HSPA12B: variants seen among roughly 807,000 people sequenced by gnomAD.
HSPA12B encodes the protein heat shock protein family A (Hsp70) member 12B.
Under a neutral mutation model 69.3 loss-of-function variants are expected in HSPA12B, and 54 were observed. The observed-to-expected ratio is 0.78, with a 90% CI of 0.63 to 0.98. The LOEUF (loss-of-function observed/expected upper bound fraction) is 0.98. HSPA12B is among the 50% of genes least tolerant of loss of function. HSPA12B has a pLI of 0.00. For synonymous variants in HSPA12B, 441 were observed against 436.5 expected (o/e 1.01, Z -0.13); for missense variants, 929 against 999.8 (o/e 0.93, Z 0.96).
chr20:3,750,754 A>G, intron 11 of HSPA12B, 50 bp from the exon 12 acceptor site: 1 of 1,611,762 alleles, frequency 6.2e-7, no homozygotes, highest in Non-Finnish European at 8.5e-7. Context: ...AAACTGGGGC[A>G]AGCAGCTGGG....
rs2088254202 is a variant in HSPA12B at position 3,744,052 on chromosome 20, C to T, written c.267-850C>T. 6.6e-6 allele frequency among the ~76,000 whole-genome samples: 1 copy of T among 152,174 alleles called. No individual in the cohort carries two copies. Among genetic ancestry groups the T allele is most frequent in the African/African-American group, 2.4e-5 (1 of 41,428 alleles). ...GACCTTGGGACCTCAAGACCCCAGT[C>T]CTCTGAATATGTCCTAGAGGGTCGG... On this transcript the variant is annotated intron_variant, in intron 4 of 12. Transcript: ENST00000254963. The surrounding 1 kb of genome is among the most constrained non-coding windows in gnomAD (Gnocchi z 4.9).
At chr20:3,747,665 T>A (rs1310509133) in intron 7 of HSPA12B, among the ~76,000 whole-genome samples, 1 of 152,238 alleles carries the variant, frequency 6.6e-6, no homozygotes, top group Admixed American at 6.5e-5. Context: ...GCCTGGAATT[T>A]CAGCTTCCTC....
At chr20:3,748,458 G>A in intron 8 of HSPA12B, 67 bp downstream of exon 8, 1 of 1,365,028 alleles carries the variant, frequency 7.3e-7, no homozygotes, top group East Asian at 2.9e-5. Context: ...CAGAAGCTCA[G>A]CCATGTCTAG....
chr20:3,746,996 A>C (rs1480608981), intron 7 of HSPA12B, among the ~76,000 whole-genome samples: 1 of 152,154 alleles, frequency 6.6e-6, no homozygotes, highest in Non-Finnish European at 1.5e-5. Flanking sequence ...GGACACCCCC[A>C]CCACCGCCCA....
At chr20:3,742,667 A>T (rs548781428) in intron 4 of HSPA12B, among the ~76,000 whole-genome samples, 29 of 151,984 alleles carry the variant, frequency 1.9e-4, no homozygotes, top group African/African-American at 6.8e-4. Flanking sequence ...TATAACAAAC[A>T]TAACAATAAA....
At position 3,745,173 on chromosome 20, in the gene HSPA12B, C is replaced by G. The variant is rs2088275089; in HGVS notation, c.453+85C>G. The G allele has an allele frequency of 8.1e-7, 1 of 1,237,870 alleles. No individual in the cohort carries two copies. Among genetic ancestry groups the G allele is most frequent in the African/African-American group, 1.5e-5 (1 of 66,992 alleles). 76.7% of individuals were successfully genotyped at this position (1,237,870 alleles called of 1,614,324 possible). On this transcript the variant is annotated intron_variant, in intron 5 of 12. Transcript: ENST00000254963. This position sits in a 1 kb window ranked among gnomAD's most constrained non-coding sequence, Gnocchi z 5.6. The stretch of plus-strand genomic sequence containing the variant: ...GGGGGTGGGTGGGACAAAACCAAAA[C>G]GTGTGAGGACCGGCCCGATGGAGTC...
At chr20:3,748,518 A>G in intron 8 of HSPA12B, 127 bp downstream of exon 8, 1 of 910,174 alleles carries the variant, frequency 1.1e-6, no homozygotes, top group Non-Finnish European at 1.5e-6. Context: ...TTGAGCAGGC[A>G]GAAACATGGC....
Position 3,737,729 on chromosome 20 carries a change from A to G in HSPA12B, c.-17-929A>G, listed in dbSNP as rs563102651. Among the ~76,000 whole-genome samples, 2 of 152,302 alleles carry G rather than the reference A, an allele frequency of 1.3e-5. No homozygotes were observed. The highest frequency in any genetic ancestry group is 4.8e-5 in the African/African-American group (2 of 41,568). On this transcript the variant is annotated intron_variant, in intron 1 of 12. Coordinates refer to ENST00000254963, the MANE Select transcript of HSPA12B (RefSeq NM_052970.5). The surrounding 1 kb of genome is among the most constrained non-coding windows in gnomAD (Gnocchi z 4.1). ...AACAAACAAACAACGAAGGCCAGGCACGGTGGCTCATGCCTGTAATCCCAG... is the reference window on the plus strand; with the variant it reads ...AACAAACAAACAACGAAGGCCAGGCGCGGTGGCTCATGCCTGTAATCCCAG...
At chr20:3,734,958 G>A (rs1207784397) in intron 1 of HSPA12B, among the ~76,000 whole-genome samples, 2 of 151,702 alleles carry the variant, frequency 1.3e-5, no homozygotes, top group Non-Finnish European at 2.9e-5. Flanking sequence ...GGCTGGTCTC[G>A]AACTCCTGAG....
At chr20:3,742,499 T>C in intron 4 of HSPA12B, 91 bp downstream of exon 4, 6 of 1,073,760 alleles carry the variant, frequency 5.6e-6, no homozygotes, top group Non-Finnish European at 6.8e-6. Context: ...AGACATGGGG[T>C]CTCCTTGGAG....
Position 3,745,848 on chromosome 20 carries a change from C to G in HSPA12B, c.559-67C>G. ...TGTGATTTGATTAGTACCTCCAGTT[C>G]CGCAGAGGGCTGAAGACCACCCTCC... On this transcript the variant is annotated intron_variant, in intron 6 of 12. Transcript: ENST00000254963. This position sits in a 1 kb window ranked among gnomAD's most constrained non-coding sequence, Gnocchi z 5.6. The G allele has an allele frequency of 7.3e-7, 1 of 1,365,076 alleles. No individual in the cohort carries two copies. Among genetic ancestry groups the G allele is most frequent in the Admixed American group, 1.7e-5 (1 of 59,674 alleles). 84.6% of individuals were successfully genotyped at this position (1,365,076 alleles called of 1,614,324 possible). A position where few individuals can be genotyped will look rare whatever the true frequency, so the allele number is the denominator to read the frequency against.
chr20:3,744,045 C>T lies in HSPA12B; in HGVS notation c.267-857C>T, dbSNP rs1175633419. Among the ~76,000 whole-genome samples the T allele has an allele frequency of 6.6e-6, 1 of 152,174 alleles. No individual in the cohort carries two copies. Among genetic ancestry groups the T allele is most frequent in the Non-Finnish European group, 1.5e-5 (1 of 68,040 alleles). On this transcript the variant is annotated intron_variant, in intron 4 of 12. Coordinates refer to ENST00000254963, the MANE Select transcript of HSPA12B (RefSeq NM_052970.5). The surrounding 1 kb of genome is among the most constrained non-coding windows in gnomAD (Gnocchi z 4.9). Reference sequence around the variant, plus strand: ...CCTCAAGGACCTTGGGACCTCAAGACCCCAGTCCTCTGAATATGTCCTAGA... The same window carrying T: ...CCTCAAGGACCTTGGGACCTCAAGATCCCAGTCCTCTGAATATGTCCTAGA...
Position 3,752,184 on chromosome 20 carries a change from G to T in HSPA12B, c.*18G>T, listed in dbSNP as rs771353350. The T allele has an allele frequency of 6.9e-7, 1 of 1,454,226 alleles. No homozygotes were observed. The highest frequency in any genetic ancestry group is 9.0e-7 in the Non-Finnish European group (1 of 1,111,236). 90.1% of individuals were successfully genotyped at this position (1,454,226 alleles called of 1,614,324 possible). A position where few individuals can be genotyped will look rare whatever the true frequency, so the allele number is the denominator to read the frequency against. ...CCAACTGAGGGCGCGCCGGCGCGGTGCCAGCGCCGTCTGCCCGGCCCCGCC... is the reference window on the plus strand; with the variant it reads ...CCAACTGAGGGCGCGCCGGCGCGGTTCCAGCGCCGTCTGCCCGGCCCCGCC... On this transcript the variant is annotated 3_prime_UTR_variant, in exon 13 of 13. Transcript: ENST00000254963.
intron 7 of HSPA12B, among the ~76,000 whole-genome samples, chr20:3,747,534 T>A (rs1450811732): frequency 2.0e-5 from 3 of 152,180 alleles, no homozygotes; most frequent in African/African-American, 7.2e-5. Flanking sequence ...CTCTCCCCTA[T>A]CTGGTCAGAA....
intron 8 of HSPA12B, 102 bp downstream of exon 8, chr20:3,748,493 C>T: frequency 2.7e-6 from 3 of 1,092,042 alleles, no homozygotes; most frequent in Non-Finnish European, 2.4e-6. Flanking sequence ...GGTACCCACC[C>T]TGGAGGAGCC....
At chr20:3,750,472 C>T (rs1282406427) in intron 11 of HSPA12B, among the ~76,000 whole-genome samples, 1 of 152,090 alleles carries the variant, frequency 6.6e-6, no homozygotes, top group African/African-American at 2.4e-5. Context: ...GGGGAGGCGG[C>T]AATGCCTATC....
rs947508911 is a variant in HSPA12B, at chr20:3,745,232, T to A, written c.453+144T>A. 8 of 777,982 alleles carry A rather than the reference T, an allele frequency of 1.0e-5. No homozygotes were observed. Among genetic ancestry groups the A allele is most frequent in the African/African-American group, 8.9e-5 (5 of 55,934 alleles). The allele number at this position is 777,982 out of a possible 1,614,324, so 48.2% of individuals were successfully genotyped here. A position where few individuals can be genotyped will look rare whatever the true frequency, so the allele number is the denominator to read the frequency against. ...GAGGGGGCGGGGCTAAAGGGAGACG[T>A]CGGACTCCGGTGTGGGCGGAGCTCA... On this transcript the variant is annotated intron_variant, in intron 5 of 12. Coordinates refer to ENST00000254963, the MANE Select transcript of HSPA12B (RefSeq NM_052970.5). The surrounding 1 kb of genome is among the most constrained non-coding windows in gnomAD (Gnocchi z 5.6).
Position 3,744,609 on chromosome 20 carries a change from C to T in HSPA12B, c.267-293C>T, listed in dbSNP as rs987109423. Among the ~76,000 whole-genome samples, 14 of 152,230 alleles carry T rather than the reference C, an allele frequency of 9.2e-5. No individual in the cohort carries two copies. The highest frequency in any genetic ancestry group is 3.4e-4 in the African/African-American group (14 of 41,464). On this transcript the variant is annotated intron_variant, in intron 4 of 12. Coordinates refer to ENST00000254963, the MANE Select transcript of HSPA12B (RefSeq NM_052970.5). This position sits in a 1 kb window ranked among gnomAD's most constrained non-coding sequence, Gnocchi z 4.9. ...TCCTTGGTTTCCTTTCTCCATGCTCCCTTCCCTGCATTCTGTTGCTCCATG... is the reference window on the plus strand; with the variant it reads ...TCCTTGGTTTCCTTTCTCCATGCTCTCTTCCCTGCATTCTGTTGCTCCATG...
chr20:3,737,630 T>C lies in HSPA12B; in HGVS notation c.-17-1028T>C, dbSNP rs2088128526. ...GAGACCATGAGGCATCTCAGTCTCC[T>C]GGGCCGGTATATATTCCTCTGTTCA... is the stretch of plus-strand genomic sequence containing the variant. On this transcript the variant is annotated intron_variant, in intron 1 of 12. Transcript: ENST00000254963. The surrounding 1 kb of genome is among the most constrained non-coding windows in gnomAD (Gnocchi z 4.1). Among the ~76,000 whole-genome samples the C allele has an allele frequency of 6.6e-6, 1 of 152,208 alleles. No homozygotes were observed. Among genetic ancestry groups the C allele is most frequent in the Non-Finnish European group, 1.5e-5 (1 of 68,042 alleles).
Sources: allele counts gnomAD v4.1 joint callset (sites outside exome capture counted in the v4.1 genomes callset), GRCh38; gene constraint gnomAD v4.1.1; non-coding constraint Gnocchi (gnomAD v3.1); transcripts MANE v1.5; gene names NCBI Gene and HGNC (gene_info 2026-07-23, HGNC 2026-07-21).